Variants in ERC2 observed in about 807,000 individuals in gnomAD.
ERC2 encodes ERC protein 2.
In ERC2, 42 loss-of-function variants were observed where a neutral mutation model predicts 114.8. The ratio of observed to expected loss-of-function variants is 0.37; its 90% confidence interval spans 0.29 to 0.47. The LOEUF (loss-of-function observed/expected upper bound fraction) is 0.47, where lower values mean the gene tolerates loss of function less well. Among genes scored for constraint, ERC2 ranks in the 20% least tolerant of loss-of-function variants. The pLI, the probability that ERC2 is intolerant of heterozygous loss-of-function variation, is 0.99. For synonymous variants in ERC2, 454 were observed against 425.5 expected (o/e 1.07, Z -0.82); for missense variants, 939 against 1,150.7 (o/e 0.82, Z 2.66).
intron 14 of ERC2, among the ~76,000 whole-genome samples, chr3:55,852,298 T>C (rs183255487): frequency 6.6e-6 from 1 of 152,316 alleles, no homozygotes; most frequent in Admixed American, 6.5e-5. Context: ...AACTACTAGC[T>C]TAGAATTATT....
chr3:56,262,129 G>C (rs976581972), intron 3 of ERC2, among the ~76,000 whole-genome samples: 4 of 152,130 alleles, frequency 2.6e-5, no homozygotes, highest in Non-Finnish European at 5.9e-5. Context: ...AGGCATTTAG[G>C]TTGATTCTAT....
chr3:55,637,148 G>T (rs772819633), intron 17 of ERC2, among the ~76,000 whole-genome samples: 3 of 152,178 alleles, frequency 2.0e-5, no homozygotes, highest in Admixed American at 1.3e-4. Flanking sequence ...ACAGGACAAA[G>T]GTCCTCCTGG....
chr3:55,662,503 T>G (rs141395054), intron 17 of ERC2, among the ~76,000 whole-genome samples: 75 of 152,360 alleles, frequency 4.9e-4, no homozygotes, highest in African/African-American at 1.7e-3. Context: ...TAATTTGTGT[T>G]AAATGAATTA....
intron 1 of ERC2, among the ~76,000 whole-genome samples, chr3:56,465,343 G>A (rs1168513930): frequency 1.3e-5 from 2 of 152,178 alleles, no homozygotes; most frequent in East Asian, 3.8e-4. Context: ...AGATTGCAGT[G>A]AGCCAAGATC....
intron 12 of ERC2, among the ~76,000 whole-genome samples, chr3:55,982,320 TA>T (rs2149506717): frequency 2.0e-5 from 3 of 152,262 alleles, no homozygotes; most frequent in South Asian, 4.1e-4. Context: ...TGGATTGATT[TA>T]GGGGGTAAAA....
chr3:56,247,455 T>C (rs2051792581), intron 3 of ERC2, among the ~76,000 whole-genome samples: 1 of 152,238 alleles, frequency 6.6e-6, no homozygotes, highest in Admixed American at 6.5e-5. Context: ...TCTTTAATGA[T>C]AAAAACATTT....
At chr3:55,517,726 A>G (rs1350486860) in intron 17 of ERC2, among the ~76,000 whole-genome samples, 3 of 152,166 alleles carry the variant, frequency 2.0e-5, no homozygotes, top group Admixed American at 2.0e-4. Flanking sequence ...CTGGTCTTGC[A>G]TATACTCTGG....
intron 1 of ERC2, among the ~76,000 whole-genome samples, chr3:56,462,872 C>T (rs1273405077): frequency 6.6e-6 from 1 of 152,108 alleles, no homozygotes; most frequent in Non-Finnish European, 1.5e-5. Context: ...TAAGCTGGTA[C>T]TATGAATGAA....
intron 3 of ERC2, among the ~76,000 whole-genome samples, chr3:56,226,646 AC>A (rs2050265528): frequency 6.6e-6 from 1 of 152,148 alleles, no homozygotes; most frequent in East Asian, 1.9e-4. Context: ...AGTACAAGGC[AC>A]TACGGGAATG....
intron 13 of ERC2, among the ~76,000 whole-genome samples, chr3:55,906,228 C>T (rs1377873021): frequency 1.3e-5 from 2 of 150,646 alleles, no homozygotes; most frequent in Non-Finnish European, 3.0e-5. Flanking sequence ...GTCAGGAGAT[C>T]GAGACCACCC....
intron 16 of ERC2, among the ~76,000 whole-genome samples, chr3:55,689,154 G>C (rs1228304795): frequency 6.6e-6 from 1 of 152,158 alleles, no homozygotes; most frequent in African/African-American, 2.4e-5. Flanking sequence ...CGCTGAGGCA[G>C]GGCAGCCACC....
chr3:56,338,716 GA>G (rs1466017592), intron 2 of ERC2, among the ~76,000 whole-genome samples: 2 of 152,198 alleles, frequency 1.3e-5, no homozygotes. Flanking sequence ...AGGATACAGT[GA>G]CTGTTCTGAG....
intron 3 of ERC2, among the ~76,000 whole-genome samples, chr3:56,254,015 G>A (rs2052351947): frequency 6.6e-6 from 1 of 152,246 alleles, no homozygotes; most frequent in African/African-American, 2.4e-5. Flanking sequence ...GTGTTTCAAT[G>A]GGATTAACAG....
At chr3:55,986,709 T>A (rs2070667858) in intron 11 of ERC2, among the ~76,000 whole-genome samples, 2 of 151,866 alleles carry the variant, frequency 1.3e-5, no homozygotes, top group African/African-American at 4.8e-5. Context: ...ACTGAAAATA[T>A]CAAGTTATAA....
At chr3:56,116,022 A>G (rs1187812802) in intron 6 of ERC2, among the ~76,000 whole-genome samples, 2 of 152,072 alleles carry the variant, frequency 1.3e-5, no homozygotes, top group Non-Finnish European at 2.9e-5. Context: ...TCCCTGGGAA[A>G]CTGCTATAAA....
At chr3:55,767,391 C>G (rs2067877703) in intron 14 of ERC2, among the ~76,000 whole-genome samples, 1 of 152,040 alleles carries the variant, frequency 6.6e-6, no homozygotes, top group Admixed American at 6.5e-5. Flanking sequence ...GCAAGGCCAC[C>G]TATTCAGTTT....
At chr3:55,606,101 T>C (rs759469770) in intron 17 of ERC2, among the ~76,000 whole-genome samples, 2 of 152,160 alleles carry the variant, frequency 1.3e-5, no homozygotes, top group African/African-American at 4.8e-5. Flanking sequence ...TCGGTTTCCA[T>C]GTACCAATGT....
At chr3:55,734,089 A>G (rs942069828) in intron 15 of ERC2, among the ~76,000 whole-genome samples, 1 of 152,228 alleles carries the variant, frequency 6.6e-6, no homozygotes, top group African/African-American at 2.4e-5. Flanking sequence ...AAAACCTTCC[A>G]GAGAGCAAGG....
chr3:56,291,068 A>G (rs929691047), intron 3 of ERC2, among the ~76,000 whole-genome samples: 1 of 152,198 alleles, frequency 6.6e-6, no homozygotes, highest in African/African-American at 2.4e-5. Flanking sequence ...TCTCTCTTCT[A>G]AGGACCAGTC....
Sources: allele counts gnomAD v4.1 joint callset (sites outside exome capture counted in the v4.1 genomes callset), GRCh38; gene constraint gnomAD v4.1.1; transcripts MANE v1.5; gene names NCBI Gene and HGNC (gene_info 2026-07-23, HGNC 2026-07-21).